Variants in CFAP299 observed in about 807,000 individuals in gnomAD.
CFAP299 encodes cilia and flagella associated protein 299.
CFAP299 carries 21 observed loss-of-function variants against 27.0 expected under a neutral mutation model. The ratio of observed to expected loss-of-function variants is 0.78; its 90% CI spans 0.55 to 1.12. The LOEUF is 1.12. CFAP299 is among the 50% of genes most tolerant of loss of function. The pLI is 0.00. For missense variants in CFAP299, 310 were observed against 276.6 expected (o/e 1.12, Z -0.86); for synonymous variants, 104 against 98.1 (o/e 1.06, Z -0.36).
intron 3 of CFAP299, among the ~76,000 whole-genome samples, chr4:80,637,484 C>A (rs543620814): frequency 6.6e-6 from 1 of 152,228 alleles, no homozygotes; most frequent in Admixed American, 6.5e-5. Flanking sequence ...TCGGTGGAAC[C>A]TTTTTCTGTA....
At chr4:80,638,517 G>A (rs796805456) in intron 3 of CFAP299, among the ~76,000 whole-genome samples, 5 of 152,232 alleles carry the variant, frequency 3.3e-5, no homozygotes, top group African/African-American at 1.2e-4. Context: ...TCCGAAATCA[G>A]AAACACTAGA....
chr4:80,471,476 T>C (rs1346455118), intron 2 of CFAP299, among the ~76,000 whole-genome samples: 1 of 150,500 alleles, frequency 6.6e-6, no homozygotes, highest in African/African-American at 2.5e-5. Context: ...GGCATTAATT[T>C]CGTGCAACCA....
chr4:80,693,053 G>T (rs1259352304), intron 3 of CFAP299, among the ~76,000 whole-genome samples: 4 of 152,266 alleles, frequency 2.6e-5, no homozygotes, highest in African/African-American at 9.6e-5. Context: ...AACAACAGGT[G>T]CTGGACAGGA....
chr4:80,897,332 T>C (rs1406858230), intron 4 of CFAP299, among the ~76,000 whole-genome samples: 1 of 152,190 alleles, frequency 6.6e-6, no homozygotes, highest in Non-Finnish European at 1.5e-5. Context: ...GCATTGGGAA[T>C]TCAGCAATTG....
chr4:80,629,914 T>G lies in CFAP299; in HGVS notation c.333+46731T>G, dbSNP rs114187739. On this transcript the variant is annotated intron_variant, in intron 3 of 5. Coordinates refer to ENST00000358105, the MANE Select transcript of CFAP299 (RefSeq NM_152770.3). Reference sequence around the variant, plus strand: ...AAAAACAAAAAAAACCCAGAAAAATTTATTTAAAAATTGTAGAGAATAGAA... The same window carrying G: ...AAAAACAAAAAAAACCCAGAAAAATGTATTTAAAAATTGTAGAGAATAGAA... Among the ~76,000 whole-genome samples the G allele has an allele frequency of 6.9e-3, 1,049 of 151,528 alleles. 13 individuals are homozygous for G. Among genetic ancestry groups the G allele is most frequent in the African/African-American group, 0.024 (984 of 41,422 alleles).
chr4:80,904,928 G>GA (rs1358513279), intron 4 of CFAP299, among the ~76,000 whole-genome samples: 1 of 147,284 alleles, frequency 6.8e-6, no homozygotes, highest in Non-Finnish European at 1.5e-5. Flanking sequence ...TAATATGACA[G>GA]AAAAAAATTA....
intron 2 of CFAP299, among the ~76,000 whole-genome samples, chr4:80,561,267 G>T (rs1735023773): frequency 6.6e-6 from 1 of 152,148 alleles, no homozygotes; most frequent in Non-Finnish European, 1.5e-5. Flanking sequence ...GACTTGGGGT[G>T]CCCCCTAAAG....
chr4:80,371,775 C>A (rs1039359804), intron 2 of CFAP299, among the ~76,000 whole-genome samples: 1 of 152,164 alleles, frequency 6.6e-6, no homozygotes, highest in South Asian at 2.1e-4. Flanking sequence ...CTTCACTATT[C>A]ATATCACTAT....
chr4:80,553,496 G>C (rs1053499778), intron 2 of CFAP299, among the ~76,000 whole-genome samples: 5 of 152,128 alleles, frequency 3.3e-5, no homozygotes, highest in African/African-American at 1.2e-4. Context: ...ATGGTAGAAT[G>C]ATTTATATTC....
chr4:80,726,656 T>G lies in CFAP299; in HGVS notation c.334-143337T>G, dbSNP rs143014833. Among the ~76,000 whole-genome samples the G allele has an allele frequency of 5.0e-3, 759 of 152,306 alleles. 3 individuals are homozygous for G. Among genetic ancestry groups the G allele is most frequent in the African/African-American group, 0.017 (721 of 41,580 alleles). On this transcript the variant is annotated intron_variant, in intron 3 of 5. Coordinates refer to ENST00000358105, the MANE Select transcript of CFAP299 (RefSeq NM_152770.3). ...TTTGTAATGCTTTTGGCATTTCACA[T>G]ACAGAGCAAATCAACACTGACATAT...
At chr4:80,869,951 C>A in intron 3 of CFAP299, 42 bp from the exon 4 acceptor site, 2 of 1,551,246 alleles carry the variant, frequency 1.3e-6, no homozygotes, top group East Asian at 2.3e-5. Flanking sequence ...AATAAATCAG[C>A]TCTTTTATAT....
chr4:80,324,807 G>A, the CFAP299 span, among the ~76,000 whole-genome samples: 1 of 152,148 alleles, frequency 6.6e-6, no homozygotes, highest in East Asian at 1.9e-4. Context: ...GAACAGGGGA[G>A]GTTTTAGGAG....
intron 3 of CFAP299, among the ~76,000 whole-genome samples, chr4:80,864,091 G>T (rs918538456): frequency 1.3e-5 from 2 of 151,936 alleles, no homozygotes; most frequent in African/African-American, 4.8e-5. Context: ...GAGTTGTATT[G>T]TGCAACTCCA....
intron 3 of CFAP299, among the ~76,000 whole-genome samples, chr4:80,587,253 A>C (rs888864047): frequency 7.2e-5 from 11 of 152,188 alleles, no homozygotes; most frequent in Non-Finnish European, 1.3e-4. Context: ...CATTTTAAAT[A>C]AATTACATCA....
At chr4:80,881,912 A>G (rs1313970563) in intron 4 of CFAP299, among the ~76,000 whole-genome samples, 1 of 152,154 alleles carries the variant, frequency 6.6e-6, no homozygotes, top group Non-Finnish European at 1.5e-5. Context: ...GAAATGATGA[A>G]AAAGAATTAA....
chr4:80,579,278 A>T (rs1419152676), intron 2 of CFAP299, among the ~76,000 whole-genome samples: 2 of 152,198 alleles, frequency 1.3e-5, no homozygotes, highest in Non-Finnish European at 2.9e-5. Flanking sequence ...TACTTTAAAT[A>T]CACGCCTTAG....
chr4:80,385,617 G>T (rs1724933584), intron 2 of CFAP299, among the ~76,000 whole-genome samples: 1 of 152,120 alleles, frequency 6.6e-6, no homozygotes, highest in Admixed American at 6.5e-5. Context: ...CAAGGCAAGT[G>T]CATGTCAACT....
intron 3 of CFAP299, among the ~76,000 whole-genome samples, chr4:80,604,652 T>A (rs561458812): frequency 6.6e-6 from 1 of 152,314 alleles, no homozygotes; most frequent in Non-Finnish European, 1.5e-5. Flanking sequence ...CAAGTTCATT[T>A]AGGCAAACAT....
chr4:80,854,309 G>A (rs1044223183), intron 3 of CFAP299, among the ~76,000 whole-genome samples: 1 of 152,122 alleles, frequency 6.6e-6, no homozygotes, highest in African/African-American at 2.4e-5. Context: ...GAGTGCTGCA[G>A]GAAAATGACT....
Sources: allele counts gnomAD v4.1 joint callset (sites outside exome capture counted in the v4.1 genomes callset), GRCh38; gene constraint gnomAD v4.1.1; transcripts MANE v1.5; gene names NCBI Gene and HGNC (gene_info 2026-07-23, HGNC 2026-07-21).